SSTR2: variants seen among roughly 807,000 people sequenced by gnomAD.
SSTR2 encodes somatostatin receptor 2, also known as somatostatin receptor type 2.
Under a neutral mutation model 21.4 loss-of-function variants are expected in SSTR2, and 10 were observed. That is an observed-to-expected ratio of 0.47 (90% CI 0.29 to 0.79). The LOEUF (loss-of-function observed/expected upper bound fraction) is 0.79, where lower values mean the gene tolerates loss of function less well. SSTR2 is among the 30% of genes least tolerant of loss of function. SSTR2 has a pLI of 0.10. For synonymous variants in SSTR2, 177 were observed against 181.3 expected, an observed-to-expected ratio of 0.98 and a Z score of 0.19; for missense variants, 364 against 468.8, an observed-to-expected ratio of 0.78 and a Z score of 2.06.
intron 1 of SSTR2, among the ~76,000 whole-genome samples, chr17:73,167,808 AT>A (rs777335998): frequency 8.5e-5 from 13 of 152,094 alleles, no homozygotes; most frequent in Non-Finnish European, 1.9e-4. Context: ...AAGTTTGTTC[AT>A]TTCTACATCC....
chr17:73,170,732 GTATC>G lies in SSTR2; in HGVS notation c.*305_*308del, dbSNP rs1332463149. On this transcript the variant is annotated 3_prime_UTR_variant, in exon 2 of 2. Transcript: ENST00000357585. ...AAACAACAAAAATAGAAAAAAATAAGTATCTGTGTGTTTGTGTATTGAAAACTCA... is the reference window on the plus strand; with the variant it reads ...AAACAACAAAAATAGAAAAAAATAAGTGTGTGTTTGTGTATTGAAAACTCA... The G allele has an allele frequency of 9.1e-6, 5 of 548,966 alleles. No individual in the cohort carries two copies. The East Asian group carries it at 1.9e-4, about 21-fold the overall frequency. The allele number at this position is 548,966 out of a possible 1,614,324, so 34.0% of individuals were successfully genotyped here.
rs906503155 is a variant in SSTR2, at chr17:73,172,178, TTG to T, written c.*1751_*1752del. ...TCACTGAGCCGCTCTGCAAGGACTA[TTG>T]TAGACAGGCACTTCACACCATAAAG... On this transcript the variant is annotated 3_prime_UTR_variant, in exon 2 of 2. Coordinates refer to ENST00000357585, the MANE Select transcript of SSTR2 (RefSeq NM_001050.3). The T allele has an allele frequency of 1.5e-4, 23 of 152,180 alleles. No homozygotes were observed. The highest frequency in any genetic ancestry group is 5.6e-4 in the African/African-American group (23 of 41,434). The allele number at this position is 152,180 out of a possible 1,614,324, so 9.4% of individuals were successfully genotyped here. A position where few individuals can be genotyped will look rare whatever the true frequency, so the allele number is the denominator to read the frequency against.
chr17:73,174,584 A>C lies in SSTR2; in HGVS notation c.*4155A>C, dbSNP rs1196180880. ...TTAAAAAAAAAAAAGAAAAGAAAAG[A>C]AAAGAAAAAAAGATTCATATTCCTG... On this transcript the variant is annotated 3_prime_UTR_variant, in exon 2 of 2. Transcript: ENST00000357585. 2 of 151,836 alleles carry C rather than the reference A, an allele frequency of 1.3e-5. No individual in the cohort carries two copies. Among genetic ancestry groups the C allele is most frequent in the African/African-American group, 2.4e-5 (1 of 41,186 alleles). The allele number at this position is 151,836 out of a possible 1,614,324, so 9.4% of individuals were successfully genotyped here.
In SSTR2 at chr17:73,169,474, TGG is replaced by T; in HGVS notation, c.156_157del (p.Val53LeufsTer37). Reference sequence around the variant, plus strand: ...GCAGTCCTCACATTCATCTATTTTGTGGTCTGCATCATTGGGTTGTGTGGCAA... The same window carrying T: ...GCAGTCCTCACATTCATCTATTTTGTTCTGCATCATTGGGTTGTGTGGCAA... On this transcript the variant is annotated frameshift_variant, in exon 2 of 2. Transcript: ENST00000357585. LOFTEE classifies it high-confidence loss of function. This position sits in a 1 kb window ranked among gnomAD's most constrained non-coding sequence, Gnocchi z 5.2. The T allele has an allele frequency of 6.2e-7, 1 of 1,614,278 alleles. No homozygotes were observed. Among genetic ancestry groups the T allele is most frequent in the Non-Finnish European group, 8.5e-7 (1 of 1,180,042 alleles).
In SSTR2 at chr17:73,173,338, C is replaced by G. The variant is rs2061240770; in HGVS notation, c.*2909C>G. The G allele has an allele frequency of 6.6e-6, 1 of 152,236 alleles. No homozygotes were observed. Among genetic ancestry groups the G allele is most frequent in the Non-Finnish European group, 1.5e-5 (1 of 68,046 alleles). 9.4% of individuals were successfully genotyped at this position (152,236 alleles called of 1,614,324 possible). A position where few individuals can be genotyped will look rare whatever the true frequency, so the allele number is the denominator to read the frequency against. On this transcript the variant is annotated 3_prime_UTR_variant, in exon 2 of 2. Coordinates refer to ENST00000357585, the MANE Select transcript of SSTR2 (RefSeq NM_001050.3). ...AACGCAGACCCAGGCATCTGTGGGT[C>G]TTCATCAGCAGGATGACCATTCTAA...
rs992760277 is a variant in SSTR2 at position 73,170,873 on chromosome 17, A to G, written c.*444A>G. 3 of 396,682 alleles carry G rather than the reference A, an allele frequency of 7.6e-6. No individual in the cohort carries two copies. The highest frequency in any genetic ancestry group is 2.1e-5 in the African/African-American group (1 of 47,574). 24.6% of individuals were successfully genotyped at this position (396,682 alleles called of 1,614,324 possible). ...ACACAAGTAGCAAATTCGAGTATGC[A>G]TAGTGTAGATGGACATTTGCCACAA... is the stretch of plus-strand genomic sequence containing the variant. On this transcript the variant is annotated 3_prime_UTR_variant, in exon 2 of 2. Transcript: ENST00000357585.
chr17:73,165,517 G>T (rs1373854105), intron 1 of SSTR2, among the ~76,000 whole-genome samples: 1 of 152,100 alleles, frequency 6.6e-6, no homozygotes, highest in Non-Finnish European at 1.5e-5. Flanking sequence ...GAGTAAGGGG[G>T]CTGTGGGTAG....
In SSTR2 at chr17:73,171,563, T is replaced by C. The variant is rs1325930548; in HGVS notation, c.*1134T>C. 6.0e-6 allele frequency: 1 copy of C among 166,810 alleles called. No individual in the cohort carries two copies. Among genetic ancestry groups the C allele is most frequent in the Non-Finnish European group, 1.5e-5 (1 of 68,104 alleles). The allele number at this position is 166,810 out of a possible 1,614,324, so 10.3% of individuals were successfully genotyped here. ...GCTTCCTAATGAAAGAAAATGGAAA[T>C]GTAATTCGACGACTCCTCAAAGGGG... On this transcript the variant is annotated 3_prime_UTR_variant, in exon 2 of 2. Coordinates refer to ENST00000357585, the MANE Select transcript of SSTR2 (RefSeq NM_001050.3).
In SSTR2 at chr17:73,171,327, A is replaced by G. The variant is rs935981361; in HGVS notation, c.*898A>G. The G allele has an allele frequency of 9.0e-5, 15 of 166,454 alleles. No homozygotes were observed. The Admixed American group carries it at 9.2e-4, about 10-fold the overall frequency. The allele number at this position is 166,454 out of a possible 1,614,324, so 10.3% of individuals were successfully genotyped here. ...AAGACAAAGCCAACTTTGTTATAAG[A>G]TTGCATTTTTTTCTTTTCAAATTGC... On this transcript the variant is annotated 3_prime_UTR_variant, in exon 2 of 2. Coordinates refer to ENST00000357585, the MANE Select transcript of SSTR2 (RefSeq NM_001050.3).
chr17:73,167,693 A>G (rs1440317428), intron 1 of SSTR2, among the ~76,000 whole-genome samples: 1 of 152,146 alleles, frequency 6.6e-6, no homozygotes, highest in African/African-American at 2.4e-5. Context: ...AAAGGAAGGC[A>G]TTCTTAAGTC....
rs749097808 is a variant in SSTR2 at position 73,170,318 on chromosome 17, C to G, written c.999C>G (p.Ser333Arg). 4 of 1,613,894 alleles carry G rather than the reference C, an allele frequency of 2.5e-6. No homozygotes were observed. The highest frequency in any genetic ancestry group is 3.4e-6 in the Non-Finnish European group (4 of 1,179,998). The change falls in exon 2 of 2, where the codon AGC becomes AGG. Residue 333 changes from serine to arginine, a missense_variant. Transcript: ENST00000357585. Reference protein sequence around the residue: ...FQNVLCLVKVSGTDDGERSDS... With the variant: ...FQNVLCLVKVRGTDDGERSDS... ...ATGTCCTCTGCTTGGTCAAGGTGAG[C>G]GGCACAGATGATGGGGAGCGGAGTG...
rs562992016 is a variant in SSTR2 at position 73,169,799 on chromosome 17, G to A, written c.480G>A (p.Lys160=). The A allele has an allele frequency of 7.4e-6, 12 of 1,614,226 alleles. No individual in the cohort carries two copies. The Admixed American group carries it at 1.3e-4, about 18-fold the overall frequency. Reference sequence around the variant, plus strand: ...AGTGGAGGAGACCCCGGACGGCCAAGATGATCACCATGGCTGTGTGGGGAG... The same window carrying A: ...AGTGGAGGAGACCCCGGACGGCCAAAATGATCACCATGGCTGTGTGGGGAG... ...SAKWRRPRTA[K]MITMAVWGVS... is the part of the protein sequence containing the mutation. Residue 160 remains lysine (K), a synonymous_variant, in exon 2 of 2, where the codon AAG becomes AAA. Transcript: ENST00000357585. This position sits in a 1 kb window ranked among gnomAD's most constrained non-coding sequence, Gnocchi z 5.2.
chr17:73,170,201 T>C lies in SSTR2; in HGVS notation c.882T>C (p.Phe294=). ...ISPTPALKGM[F]DFVVVLTYAN... is the part of the protein sequence containing the mutation. ...CCACCCCAGCCCTTAAAGGCATGTTTGACTTTGTGGTGGTCCTCACCTATG... is the reference window on the plus strand; with the variant it reads ...CCACCCCAGCCCTTAAAGGCATGTTCGACTTTGTGGTGGTCCTCACCTATG... Residue 294 remains phenylalanine, a synonymous_variant, in exon 2 of 2, where the codon TTT becomes TTC. Coordinates refer to ENST00000357585, the MANE Select transcript of SSTR2 (RefSeq NM_001050.3). 6.2e-7 allele frequency: 1 copy of C among 1,614,162 alleles called. No homozygotes were observed. Among genetic ancestry groups the C allele is most frequent in the South Asian group, 1.1e-5 (1 of 91,078 alleles).
Position 73,170,018 on chromosome 17 carries a change from C to T in SSTR2, c.699C>T (p.Ile233=), listed in dbSNP as rs764560651. ...IICLCYLFII[I]KVKSSGIRVG... is the part of the protein sequence containing the mutation. ...GTCTTTGCTACCTGTTCATTATCAT[C>T]AAGGTGAAGTCCTCTGGAATCCGAG... is the stretch of plus-strand genomic sequence containing the variant. Residue 233 remains isoleucine, a synonymous_variant, in exon 2 of 2, where the codon ATC becomes ATT. Coordinates refer to ENST00000357585, the MANE Select transcript of SSTR2 (RefSeq NM_001050.3). The T allele has an allele frequency of 1.2e-6, 2 of 1,613,702 alleles. No homozygotes were observed. The highest frequency in any genetic ancestry group is 1.7e-6 in the Non-Finnish European group (2 of 1,179,706).
At position 73,169,212 on chromosome 17, in the gene SSTR2, C is replaced by T; in HGVS notation, c.-92-16C>T. 2.2e-6 allele frequency: 3 copies of T among 1,361,016 alleles called. No individual in the cohort carries two copies. The highest frequency in any genetic ancestry group is 2.9e-6 in the Non-Finnish European group (3 of 1,022,228). The allele number at this position is 1,361,016 out of a possible 1,614,324, so 84.3% of individuals were successfully genotyped here. A position where few individuals can be genotyped will look rare whatever the true frequency, so the allele number is the denominator to read the frequency against. On this transcript the variant is annotated splice_polypyrimidine_tract_variant and intron_variant, in intron 1 of 1. Coordinates refer to ENST00000357585, the MANE Select transcript of SSTR2 (RefSeq NM_001050.3). This position sits in a 1 kb window ranked among gnomAD's most constrained non-coding sequence, Gnocchi z 5.2. Reference sequence around the variant, plus strand: ...AGCCTGTGACCGACGGGCCAATCTTCCTCTTTTCCTTCCAGATGTCACACT... The same window carrying T: ...AGCCTGTGACCGACGGGCCAATCTTTCTCTTTTCCTTCCAGATGTCACACT...
intron 1 of SSTR2, among the ~76,000 whole-genome samples, chr17:73,166,155 T>G (rs1240138079): frequency 2.0e-5 from 3 of 152,186 alleles, no homozygotes; most frequent in Admixed American, 6.5e-5. Context: ...GCCCCTCCAT[T>G]TCTCAACCCC....
rs1488419882 is a variant in SSTR2 at position 73,170,043 on chromosome 17, G to A, written c.724G>A (p.Val242Met). 3 of 1,614,016 alleles carry A rather than the reference G, an allele frequency of 1.9e-6. No individual in the cohort carries two copies. Among genetic ancestry groups the A allele is most frequent in the Non-Finnish European group, 2.5e-6 (3 of 1,180,024 alleles). ...IIKVKSSGIRVGSSKRKKSEK... is the reference protein window; with the variant it reads ...IIKVKSSGIRMGSSKRKKSEK... The stretch of plus-strand genomic sequence containing the variant: ...CAAGGTGAAGTCCTCTGGAATCCGA[G>A]TGGGCTCCTCTAAGAGGAAGAAGTC... Residue 242 changes from valine to methionine, a missense_variant, in exon 2 of 2, where the codon GTG (valine) becomes ATG (methionine). By Grantham distance (21) the Val-to-Met change is conservative (BLOSUM62 1). Around this residue, in one of 4 missense-constraint regions of SSTR2, gnomAD observed 193 missense variants for 273.1 expected, o/e 0.71. Transcript: ENST00000357585.
In SSTR2 at chr17:73,169,661, T is replaced by G; in HGVS notation, c.342T>G (p.Ile114Met). ...ALVHWPFGKA[I>M]CRVVMTVDGI... ...TCCACTGGCCCTTTGGCAAGGCCAT[T>G]TGCCGGGTGGTCATGACTGTGGATG... Residue 114 changes from isoleucine (I) to methionine (M), a missense_variant, in exon 2 of 2, where the codon ATT becomes ATG. By Grantham distance (10) the Ile-to-Met change is conservative. Around this residue, in one of 4 missense-constraint regions of SSTR2, gnomAD observed 193 missense variants for 273.1 expected, o/e 0.71. Transcript: ENST00000357585. The surrounding 1 kb of genome is among the most constrained non-coding windows in gnomAD (Gnocchi z 5.2). The G allele has an allele frequency of 6.2e-7, 1 of 1,614,244 alleles. No homozygotes were observed. Among genetic ancestry groups the G allele is most frequent in the Non-Finnish European group, 8.5e-7 (1 of 1,180,036 alleles).
rs2061244881 is a variant in SSTR2 at position 73,174,791 on chromosome 17, A to C, written c.*4362A>C. ...CATAAAAATAGTAAAATATAAAAAC[A>C]AATTAGTGTTTTATAGACCCTGGGG... is the stretch of plus-strand genomic sequence containing the variant. On this transcript the variant is annotated 3_prime_UTR_variant, in exon 2 of 2. Transcript: ENST00000357585. 1 of 153,166 alleles carries C rather than the reference A, an allele frequency of 6.5e-6. No individual in the cohort carries two copies. Among genetic ancestry groups the C allele is most frequent in the Admixed American group, 6.5e-5 (1 of 15,272 alleles). 9.5% of individuals were successfully genotyped at this position (153,166 alleles called of 1,614,324 possible).
Sources: gnomAD v4.1 joint callset for allele counts (sites outside exome capture counted in the v4.1 genomes callset) on GRCh38, gnomAD v4.1.1 for gene constraint, gnomAD v4.1.1 regional missense constraint, Gnocchi (gnomAD v3.1) non-coding constraint, MANE v1.5 for transcripts, NCBI Gene and HGNC (gene_info 2026-07-23, HGNC 2026-07-21) for gene names.